PODXL: variants seen among roughly 807,000 people sequenced by gnomAD.
PODXL encodes podocalyxin like.
In PODXL, 20 loss-of-function variants were observed where a neutral mutation model predicts 48.9. The observed-to-expected ratio is 0.41, with a 90% CI of 0.29 to 0.59. The LOEUF is 0.59. Among genes scored for constraint, PODXL ranks in the 20% least tolerant of loss-of-function variants. The pLI is 0.31. For missense variants in PODXL, 606 were observed against 675.1 expected, an observed-to-expected ratio of 0.90 and a Z score of 1.13; for synonymous variants, 295 against 287.4, an observed-to-expected ratio of 1.03 and a Z score of -0.27.
intron 6 of PODXL, 88 bp downstream of exon 6, chr7:131,506,491 C>A (rs1471066963): frequency 1.3e-6 from 2 of 1,485,466 alleles, no homozygotes; most frequent in Non-Finnish European, 1.9e-6. Flanking sequence ...AGGGGCACCA[C>A]TGTGACCCAC....
intron 1 of PODXL, among the ~76,000 whole-genome samples, chr7:131,548,653 G>T (rs1798621134): frequency 1.3e-5 from 2 of 152,330 alleles, no homozygotes; most frequent in South Asian, 4.1e-4. Flanking sequence ...TATAACTGAT[G>T]CCTGTCTTAT....
intron 5 of PODXL, 39 bp downstream of exon 5, chr7:131,508,912 G>A (rs564405548): frequency 5.0e-6 from 7 of 1,407,774 alleles, no homozygotes; most frequent in African/African-American, 4.2e-5. Flanking sequence ...GCCCTGCTGT[G>A]AGCCTGCACC....
At chr7:131,524,167 G>GA (rs112782233) in intron 1 of PODXL, among the ~76,000 whole-genome samples, 29,919 of 151,898 alleles carry the variant, frequency 0.2, 5,596 homozygotes, top group African/African-American at 0.48. Flanking sequence ...AGCAAACCAG[G>GA]AATAGTAGAG....
chr7:131,504,396 T>C lies in PODXL; in HGVS notation c.1592A>G (p.Asn531Ser). 1.2e-6 allele frequency: 2 copies of C among 1,614,218 alleles called. No homozygotes were observed. The highest frequency in any genetic ancestry group is 8.5e-7 in the Non-Finnish European group (1 of 1,180,036). ...GATCCAGCTGTCCCCCAGCTCCCCG[T>C]TGAGGCTGACCACCTTCTTCTCCTG... ...EMQEKKVVSL[N>S]GELGDSWIVP... The change falls in exon 9 of 9, where the codon AAC becomes AGC. Residue 531 changes from asparagine (N) to serine (S), a missense_variant. Transcript: ENST00000378555.
At chr7:131,526,316 A>G (rs954088036) in intron 1 of PODXL, among the ~76,000 whole-genome samples, 1 of 152,210 alleles carries the variant, frequency 6.6e-6, no homozygotes, top group Non-Finnish European at 1.5e-5. Flanking sequence ...AATTTGAGCA[A>G]CAAAACAAGA....
At position 131,523,689 on chromosome 7, in the gene PODXL, A is replaced by G. The variant is rs1242532165; in HGVS notation, c.101-12256T>C. Among the ~76,000 whole-genome samples, 8 of 128,874 alleles carry G rather than the reference A, an allele frequency of 6.2e-5. No individual in the cohort carries two copies. In the East Asian group the frequency reaches 1.5e-3, roughly 24 times the overall value. 84.5% of individuals were successfully genotyped at this position (128,874 alleles called of 152,430 possible). A position where few individuals can be genotyped will look rare whatever the true frequency, so the allele number is the denominator to read the frequency against. ...GCGAGAATCCGTCTCAAAAAAAAAA[A>G]AAAAAAAAAAAAACAAGAAAAGAAA... On this transcript the variant is annotated intron_variant, in intron 1 of 8. Coordinates refer to ENST00000378555, the MANE Select transcript of PODXL (RefSeq NM_001018111.3).
rs1797870943 is a variant in PODXL at position 131,509,396 on chromosome 7, G to A, written c.992C>T (p.Pro331Leu). The change falls in exon 4 of 9, where the codon CCT (proline) becomes CTT (leucine). Residue 331 changes from proline to leucine, a missense_variant. Pro to Leu is a moderately conservative substitution (Grantham distance 98, BLOSUM62 -3). Transcript: ENST00000378555. The part of the protein sequence containing the change: ...ASTTHRYPKT[P>L]SPTVAHESNW... ...ACTCTCATGAGCCACAGTGGGAGAA[G>A]GTGTTTTGGGGTATCGGTGGGTAGT... The A allele has an allele frequency of 6.2e-7, 1 of 1,614,096 alleles. No individual in the cohort carries two copies. Among genetic ancestry groups the A allele is most frequent in the Non-Finnish European group, 8.5e-7 (1 of 1,179,982 alleles).
rs762688040 is a variant in PODXL at position 131,511,138 on chromosome 7, A to G, written c.396T>C (p.Thr132=). ...SPKSTKSADT[T]TVATSTATAK... ...CTGTGGCTGTGGAGGTTGCAACTGT[A>G]GTGGTGTCTGCACTTTTTGTGCTCT... is the stretch of plus-strand genomic sequence containing the variant. The change falls in exon 2 of 9, where the codon ACT becomes ACC. Residue 132 remains threonine, a synonymous_variant. Coordinates refer to ENST00000378555, the MANE Select transcript of PODXL (RefSeq NM_001018111.3). 1.9e-6 allele frequency: 3 copies of G among 1,611,458 alleles called. No individual in the cohort carries two copies. Among genetic ancestry groups the G allele is most frequent in the Non-Finnish European group, 2.5e-6 (3 of 1,179,476 alleles).
intron 1 of PODXL, among the ~76,000 whole-genome samples, chr7:131,538,815 G>A (rs773795825): frequency 3.3e-5 from 5 of 152,168 alleles, no homozygotes; most frequent in Admixed American, 6.5e-5. Flanking sequence ...AGCTTTGTAC[G>A]TGGTGTCAGG....
intron 1 of PODXL, among the ~76,000 whole-genome samples, chr7:131,519,252 T>A (rs770329681): frequency 6.6e-6 from 1 of 152,194 alleles, no homozygotes; most frequent in Non-Finnish European, 1.5e-5. Flanking sequence ...CCAAATCATA[T>A]AAAACCAGGC....
intron 1 of PODXL, among the ~76,000 whole-genome samples, chr7:131,555,304 C>G (rs1157638840): frequency 6.6e-6 from 1 of 152,178 alleles, no homozygotes; most frequent in Non-Finnish European, 1.5e-5. Context: ...AGAAATGCAC[C>G]TCTCCCGTGG....
intron 3 of PODXL, 148 bp downstream of exon 3, chr7:131,510,088 G>C (rs1377930388): frequency 3.1e-6 from 1 of 324,060 alleles, no homozygotes; most frequent in Non-Finnish European, 6.0e-6. Flanking sequence ...AGAAACTCTG[G>C]GTCCACAGGT....
chr7:131,505,964 G>A lies in PODXL; in HGVS notation c.1383C>T (p.Pro461=). The A allele has an allele frequency of 6.2e-7, 1 of 1,610,310 alleles. No homozygotes were observed. Among genetic ancestry groups the A allele is most frequent in the Non-Finnish European group, 8.5e-7 (1 of 1,178,768 alleles). The change falls in exon 8 of 9, where the codon CCC becomes CCT. Residue 461 remains proline, a synonymous_variant. Coordinates refer to ENST00000378555, the MANE Select transcript of PODXL (RefSeq NM_001018111.3). The part of the protein sequence containing the change: ...PEEAEDRFSM[P]LIITIVCMAS... ...CCATGCAGACGATGGTGATGATGAGGGGCATGCTGAAGCGGTCCTCGGCCT... is the reference window on the plus strand; with the variant it reads ...CCATGCAGACGATGGTGATGATGAGAGGCATGCTGAAGCGGTCCTCGGCCT...
chr7:131,554,846 T>G (rs1798719121), intron 1 of PODXL, among the ~76,000 whole-genome samples: 1 of 152,100 alleles, frequency 6.6e-6, no homozygotes, highest in Non-Finnish European at 1.5e-5. Flanking sequence ...GTCCCCAGAG[T>G]AGGGCTAAGG....
At chr7:131,547,162 T>C (rs1798592528) in intron 1 of PODXL, among the ~76,000 whole-genome samples, 1 of 151,850 alleles carries the variant, frequency 6.6e-6, no homozygotes, top group South Asian at 2.1e-4. Flanking sequence ...TCACCTGAGG[T>C]TGGGAGTTCA....
Position 131,508,980 on chromosome 7 carries a change from C to T in PODXL, c.1072G>A (p.Val358Ile), listed in dbSNP as rs3212298. The change falls in exon 5 of 9, where the codon GTC becomes ATC. Residue 358 changes from valine (V) to isoleucine (I), a missense_variant. Physicochemically the swap from Val to Ile is conservative, Grantham distance 29. Transcript: ENST00000378555. ...ETQTQSEKQL[V>I]LNLTGNTLCA... ...AGGGTGTTTCCTGTGAGGTTCAGGA[C>T]GAGCTGCTTCTCACTCTGTGTCTGT... 0.051 allele frequency: 82,990 copies of T among 1,613,412 alleles called. 3,201 individuals are homozygous for T. Among genetic ancestry groups the T allele is most frequent in the East Asian group, 0.22 (9,927 of 44,858 alleles).
At position 131,556,298 on chromosome 7, in the gene PODXL, G is replaced by T; in HGVS notation, c.62C>A (p.Pro21Gln). 1 of 1,501,466 alleles carries T rather than the reference G, an allele frequency of 6.7e-7. No individual in the cohort carries two copies. The highest frequency in any genetic ancestry group is 8.9e-7 in the Non-Finnish European group (1 of 1,129,464). The allele number at this position is 1,501,466 out of a possible 1,614,324, so 93.0% of individuals were successfully genotyped here. ...LLLLSTPPLL[P>Q]SSPSPSPSPS... ...CGACGGCGACGGCGACGGCGACGAC[G>T]GCAGCAGCGGCGGCGTTGACAACAG... The change falls in exon 1 of 9, where the codon CCG (proline) becomes CAG (glutamine). Residue 21 changes from proline (P) to glutamine (Q), a missense_variant. By Grantham distance (76) the Pro-to-Gln change is moderately conservative. Coordinates refer to ENST00000378555, the MANE Select transcript of PODXL (RefSeq NM_001018111.3).
intron 1 of PODXL, among the ~76,000 whole-genome samples, chr7:131,551,809 C>T (rs983004210): frequency 6.6e-6 from 1 of 151,850 alleles, no homozygotes; most frequent in Non-Finnish European, 1.5e-5. Context: ...TGGAGGTGGG[C>T]GCCTGTAGTC....
At chr7:131,540,429 C>A (rs1020970423) in intron 1 of PODXL, among the ~76,000 whole-genome samples, 4 of 152,002 alleles carry the variant, frequency 2.6e-5, no homozygotes, top group Non-Finnish European at 5.9e-5. Flanking sequence ...GATTCTAACC[C>A]AACTGTCTCG....
Sources: gnomAD v4.1 joint callset for allele counts (sites outside exome capture counted in the v4.1 genomes callset) on GRCh38, gnomAD v4.1.1 for gene constraint, MANE v1.5 for transcripts, NCBI Gene and HGNC (gene_info 2026-07-23, HGNC 2026-07-21) for gene names.